KLF12: variants seen among roughly 807,000 people sequenced by gnomAD.
The protein encoded by KLF12 is KLF transcription factor 12, also known as Krueppel-like factor 12.
In KLF12, 9 loss-of-function variants were observed where a neutral mutation model predicts 37.8. The ratio of observed to expected loss-of-function variants is 0.24; its 90% CI spans 0.14 to 0.42. The LOEUF (loss-of-function observed/expected upper bound fraction) is 0.42, where lower values mean the gene tolerates loss of function less well. Ranked by LOEUF, KLF12 falls within the 10% of genes least tolerant of loss-of-function variation. The pLI is 1.00. For missense variants in KLF12, 411 were observed against 516.0 expected, an observed-to-expected ratio of 0.80 and a Z score of 1.97; for synonymous variants, 208 against 202.1, an observed-to-expected ratio of 1.03 and a Z score of -0.25.
intron 5 of KLF12, among the ~76,000 whole-genome samples, chr13:73,789,530 G>A (rs559918432): frequency 2.0e-5 from 3 of 152,134 alleles, no homozygotes; most frequent in Middle Eastern, 3.4e-3. Flanking sequence ...GTAAGACCAC[G>A]CAAAATTTAC....
chr13:74,290,853 C>T, the KLF12 span, among the ~76,000 whole-genome samples: 1 of 152,218 alleles, frequency 6.6e-6, no homozygotes, highest in African/African-American at 2.4e-5. Context: ...ATGCTAGCTC[C>T]GTTTGCACAG....
At chr13:74,200,626 A>G in the KLF12 span, among the ~76,000 whole-genome samples, 1 of 152,094 alleles carries the variant, frequency 6.6e-6, no homozygotes, top group Non-Finnish European at 1.5e-5. Flanking sequence ...AGACTCACTC[A>G]GATCTTTCTG....
At chr13:73,907,971 T>G (rs1888383106) in intron 3 of KLF12, among the ~76,000 whole-genome samples, 1 of 152,178 alleles carries the variant, frequency 6.6e-6, no homozygotes, top group African/African-American at 2.4e-5. Context: ...ACACTCCTCC[T>G]TCAGGTCTTT....
rs576525852 is a variant in KLF12 at position 73,850,627 on chromosome 13, T to C, written c.124-4254A>G. Among the ~76,000 whole-genome samples, 274 of 152,344 alleles carry C rather than the reference T, an allele frequency of 1.8e-3. 3 individuals carry two copies. The Middle Eastern group carries it at 0.02, about 11-fold the overall frequency. On this transcript the variant is annotated intron_variant, in intron 3 of 7. Coordinates refer to ENST00000377669, the MANE Select transcript of KLF12 (RefSeq NM_007249.5). The stretch of plus-strand genomic sequence containing the variant: ...GTAGTCAGAGCTGAGGAGCAATGCA[T>C]AATATTCTACTAAATGTCGTTCAAG...
At chr13:74,181,712 C>CAA in the KLF12 span, among the ~76,000 whole-genome samples, 6 of 105,822 alleles carry the variant, frequency 5.7e-5, no homozygotes, top group African/African-American at 1.2e-4. Flanking sequence ...AAAAAAAAAA[C>CAA]AAAAAAAAAA....
chr13:73,933,931 A>G (rs966258571), intron 3 of KLF12, among the ~76,000 whole-genome samples: 5 of 152,176 alleles, frequency 3.3e-5, no homozygotes, highest in Non-Finnish European at 7.4e-5. Flanking sequence ...ACAACGCTGT[A>G]TAACAGATGT....
At chr13:73,942,153 G>T (rs1268574323) in intron 3 of KLF12, among the ~76,000 whole-genome samples, 1 of 152,122 alleles carries the variant, frequency 6.6e-6, no homozygotes, top group African/African-American at 2.4e-5. Flanking sequence ...AGAACTATAT[G>T]GATATTGTTA....
intron 1 of KLF12, among the ~76,000 whole-genome samples, chr13:74,105,352 A>T (rs1189059300): frequency 1.3e-5 from 2 of 152,206 alleles, no homozygotes; most frequent in Non-Finnish European, 2.9e-5. Flanking sequence ...TTGATTGTAG[A>T]CTATTTCTTT....
chr13:74,279,663 A>G, the KLF12 span, among the ~76,000 whole-genome samples: 2 of 152,336 alleles, frequency 1.3e-5, no homozygotes, highest in East Asian at 1.9e-4. Flanking sequence ...ACAAAATGGT[A>G]AAACACATGT....
intron 3 of KLF12, among the ~76,000 whole-genome samples, chr13:73,922,835 A>C (rs2139228796): frequency 6.6e-6 from 1 of 152,322 alleles, no homozygotes; most frequent in Middle Eastern, 3.4e-3. Context: ...TGCCAGAAAA[A>C]TCATGCACTA....
At chr13:74,250,793 T>A in the KLF12 span, among the ~76,000 whole-genome samples, 31,383 of 152,150 alleles carry the variant, frequency 0.21, 5,407 homozygotes, top group African/African-American at 0.47. Flanking sequence ...AGTTTTATAT[T>A]TTTTTCTAAC....
At chr13:74,076,045 G>C (rs1874542042) in intron 1 of KLF12, among the ~76,000 whole-genome samples, 1 of 152,038 alleles carries the variant, frequency 6.6e-6, no homozygotes, top group Non-Finnish European at 1.5e-5. Flanking sequence ...TTTAAAAGTA[G>C]GTTTTCTTAT....
chr13:73,767,838 C>CATTTAT (rs1880019268), intron 5 of KLF12, among the ~76,000 whole-genome samples: 2 of 152,128 alleles, frequency 1.3e-5, no homozygotes, highest in African/African-American at 4.8e-5. Flanking sequence ...TAATGACTGC[C>CATTTAT]ATTTATAGTT....
chr13:74,212,290 G>T, the KLF12 span, among the ~76,000 whole-genome samples: 2 of 152,120 alleles, frequency 1.3e-5, no homozygotes, highest in Admixed American at 6.6e-5. Context: ...AGGACAACTG[G>T]TTTGGGAAGA....
intron 1 of KLF12, among the ~76,000 whole-genome samples, chr13:74,010,282 A>T (rs999270339): frequency 1.3e-5 from 2 of 152,168 alleles, no homozygotes; most frequent in African/African-American, 4.8e-5. Context: ...ATGCAAGAAC[A>T]CCACCCTACA....
intron 7 of KLF12, among the ~76,000 whole-genome samples, chr13:73,710,833 A>G (rs1268922353): frequency 6.6e-6 from 1 of 152,226 alleles, no homozygotes; most frequent in Non-Finnish European, 1.5e-5. Context: ...CAAAAGCTAT[A>G]AATGATTATG....
chr13:74,181,061 C>A, the KLF12 span, among the ~76,000 whole-genome samples: 3 of 151,974 alleles, frequency 2.0e-5, no homozygotes, highest in Non-Finnish European at 2.9e-5. Context: ...TGCAATGGCA[C>A]AATCTTGGCT....
chr13:73,832,622 T>A (rs951511465), intron 4 of KLF12, among the ~76,000 whole-genome samples: 3 of 152,224 alleles, frequency 2.0e-5, no homozygotes, highest in African/African-American at 4.8e-5. Flanking sequence ...ACTTAATACG[T>A]TTTTAAGATC....
intron 3 of KLF12, among the ~76,000 whole-genome samples, chr13:73,937,088 G>A (rs1435543007): frequency 6.6e-6 from 1 of 152,130 alleles, no homozygotes; most frequent in Non-Finnish European, 1.5e-5. Flanking sequence ...TACTTGGGAG[G>A]CTGAGGCAGG....
Sources: gnomAD v4.1 joint callset for allele counts (sites outside exome capture counted in the v4.1 genomes callset) on GRCh38, gnomAD v4.1.1 for gene constraint, MANE v1.5 for transcripts, NCBI Gene and HGNC (gene_info 2026-07-23, HGNC 2026-07-21) for gene names.